Variants in C8orf34 observed in about 807,000 individuals in gnomAD.
The protein encoded by C8orf34 is chromosome 8 open reading frame 34.
A neutral mutation model predicts 68.3 loss-of-function variants in C8orf34; 65 were observed. The observed-to-expected ratio is 0.95, with a 90% confidence interval of 0.78 to 1.17. C8orf34 has a LOEUF of 1.17. Ranked by LOEUF, C8orf34 falls within the 50% of genes most tolerant of loss-of-function variation. C8orf34 has a pLI of 0.00. For synonymous variants in C8orf34, 244 were observed against 241.2 expected, an observed-to-expected ratio of 1.01 and a Z score of -0.11; for missense variants, 664 against 655.4, an observed-to-expected ratio of 1.01 and a Z score of -0.14.
At chr8:68,639,874 ATATTT>A (rs1818953114) in intron 7 of C8orf34, among the ~76,000 whole-genome samples, 1 of 152,186 alleles carries the variant, frequency 6.6e-6, no homozygotes, top group Admixed American at 6.5e-5. Context: ...GACATCAGTT[ATATTT>A]TGATTGGAGG....
chr8:68,410,282 A>G (rs1223609767), intron 1 of C8orf34, among the ~76,000 whole-genome samples: 1 of 152,138 alleles, frequency 6.6e-6, no homozygotes, highest in African/African-American at 2.4e-5. Flanking sequence ...GGCCCTCTGT[A>G]CCTGTGGGCT....
chr8:68,526,445 G>A (rs888943323), intron 6 of C8orf34, among the ~76,000 whole-genome samples: 12 of 152,128 alleles, frequency 7.9e-5, no homozygotes, highest in African/African-American at 2.9e-4. Context: ...CAAAGGAATT[G>A]CTTAAAAGTG....
intron 12 of C8orf34, among the ~76,000 whole-genome samples, chr8:68,807,946 T>A (rs1245914051): frequency 1.3e-5 from 2 of 152,262 alleles, no homozygotes; most frequent in Admixed American, 1.3e-4. Context: ...GGGAATTTAT[T>A]TGGGTAACAT....
intron 1 of C8orf34, among the ~76,000 whole-genome samples, chr8:68,331,705 C>T (rs562372039): frequency 4.7e-5 from 7 of 149,798 alleles, no homozygotes; most frequent in African/African-American, 1.5e-4. Flanking sequence ...GTGTTGCACA[C>T]GCACACTTTC....
intron 7 of C8orf34, among the ~76,000 whole-genome samples, chr8:68,615,837 A>G (rs369882769): frequency 0.017 from 2,574 of 151,596 alleles, 38 homozygotes; most frequent in Middle Eastern, 0.051. Context: ...CTCTTTTTCT[A>G]TTGATTGGAA....
chr8:68,402,477 T>A (rs1260974039), intron 1 of C8orf34, among the ~76,000 whole-genome samples: 1 of 152,128 alleles, frequency 6.6e-6, no homozygotes, highest in African/African-American at 2.4e-5. Context: ...TTTTTCTAGT[T>A]CCTTGAAGTG....
At chr8:68,777,239 A>G (rs978287505) in intron 11 of C8orf34, among the ~76,000 whole-genome samples, 1 of 152,194 alleles carries the variant, frequency 6.6e-6, no homozygotes, top group Non-Finnish European at 1.5e-5. Context: ...CACCTCCACA[A>G]GAGGGATAGC....
At chr8:68,776,041 T>C (rs1823505340) in intron 10 of C8orf34, among the ~76,000 whole-genome samples, 1 of 152,124 alleles carries the variant, frequency 6.6e-6, no homozygotes, top group Admixed American at 6.6e-5. Flanking sequence ...GATAAATAGC[T>C]AATGCATGCA....
intron 8 of C8orf34, among the ~76,000 whole-genome samples, chr8:68,679,713 T>C (rs1314733223): frequency 2.0e-5 from 3 of 152,140 alleles, no homozygotes; most frequent in Admixed American, 2.0e-4. Context: ...AACAACATGG[T>C]ACTGGCATAA....
At chr8:68,332,101 T>A (rs892181355) in intron 1 of C8orf34, among the ~76,000 whole-genome samples, 1 of 151,770 alleles carries the variant, frequency 6.6e-6, no homozygotes, top group Non-Finnish European at 1.5e-5. Context: ...TTTTTTTTTC[T>A]CTCTCTCGCC....
chr8:68,603,521 A>G (rs533193655), intron 7 of C8orf34, among the ~76,000 whole-genome samples: 1 of 140,492 alleles, frequency 7.1e-6, no homozygotes, highest in Non-Finnish European at 1.5e-5. Context: ...ATATATACAT[A>G]TATCTATCTA....
intron 1 of C8orf34, among the ~76,000 whole-genome samples, chr8:68,431,803 G>T (rs919971775): frequency 6.6e-6 from 1 of 152,136 alleles, no homozygotes; most frequent in Non-Finnish European, 1.5e-5. Flanking sequence ...AGAATTCAGT[G>T]TCTATGATTC....
intron 7 of C8orf34, among the ~76,000 whole-genome samples, chr8:68,554,298 G>C (rs1816181449): frequency 6.6e-6 from 1 of 152,104 alleles, no homozygotes. Context: ...GGTGGTGGTA[G>C]CAGCTGATCT....
chr8:68,662,411 C>T (rs1484384095), intron 8 of C8orf34, among the ~76,000 whole-genome samples: 2 of 152,092 alleles, frequency 1.3e-5, no homozygotes, highest in East Asian at 3.9e-4. Flanking sequence ...GAAATCTCAC[C>T]TTGAGTTATA....
chr8:68,454,788 C>T (rs1241735744), intron 3 of C8orf34, among the ~76,000 whole-genome samples: 2 of 151,776 alleles, frequency 1.3e-5, no homozygotes, highest in Admixed American at 6.6e-5. Context: ...CTTTTGGTAG[C>T]TTGGGTTTAT....
chr8:68,464,159 G>A (rs1048790573), intron 3 of C8orf34, among the ~76,000 whole-genome samples: 17 of 152,116 alleles, frequency 1.1e-4, no homozygotes, highest in Middle Eastern at 6.8e-3. Flanking sequence ...CAGACAAACC[G>A]AGAGCCAAAT....
chr8:68,716,154 C>T (rs564226121), intron 9 of C8orf34, among the ~76,000 whole-genome samples: 6 of 150,830 alleles, frequency 4.0e-5, no homozygotes, highest in East Asian at 2.0e-4. Flanking sequence ...TTGGACTTTG[C>T]GGACTTGGGG....
intron 8 of C8orf34, among the ~76,000 whole-genome samples, chr8:68,675,581 A>T (rs1820161301): frequency 1.3e-5 from 2 of 151,174 alleles, no homozygotes; most frequent in South Asian, 4.2e-4. Flanking sequence ...AAAAAAAAAC[A>T]CACACAAAAT....
intron 5 of C8orf34, among the ~76,000 whole-genome samples, chr8:68,509,193 A>G (rs760742031): frequency 1.9e-4 from 29 of 152,194 alleles, no homozygotes; most frequent in Middle Eastern, 3.2e-3. Flanking sequence ...AATGGCAGTG[A>G]GAGCTCCCTC....
Sources: gnomAD v4.1 joint callset for allele counts (sites outside exome capture counted in the v4.1 genomes callset) on GRCh38, gnomAD v4.1.1 for gene constraint, MANE v1.5 for transcripts, NCBI Gene and HGNC (gene_info 2026-07-23, HGNC 2026-07-21) for gene names.